The following VSTM2A variants were observed in gnomAD, a reference collection of about 807,000 sequenced individuals.
VSTM2A encodes the protein V-set and transmembrane domain-containing protein 2A.
Under a neutral mutation model 27.3 loss-of-function variants are expected in VSTM2A, and 13 were observed. That is an observed-to-expected ratio of 0.48 (90% CI 0.31 to 0.76). The LOEUF (loss-of-function observed/expected upper bound fraction) is 0.76. Ranked by LOEUF, VSTM2A falls within the 30% of genes least tolerant of loss-of-function variation. The pLI, the probability that VSTM2A is intolerant of heterozygous loss-of-function variation, is 0.05. For missense variants in VSTM2A, 280 were observed against 310.0 expected, an observed-to-expected ratio of 0.90 and a Z score of 0.73; for synonymous variants, 142 against 125.7, an observed-to-expected ratio of 1.13 and a Z score of -0.87.
intron 3 of VSTM2A, among the ~76,000 whole-genome samples, chr7:54,548,228 T>G (rs1291821589): frequency 6.6e-6 from 1 of 152,190 alleles, no homozygotes; most frequent in Admixed American, 6.5e-5. Flanking sequence ...TCCTGACCCC[T>G]GATGCATACA....
At chr7:54,547,138 A>C in intron 3 of VSTM2A, 141 bp downstream of exon 3, 1 of 808,870 alleles carries the variant, frequency 1.2e-6, no homozygotes. Context: ...GATACATACA[A>C]ATGGAAGCAC....
intron 2 of VSTM2A, chr7:54,546,284 G>C (rs1225377278): frequency 6.2e-6 from 1 of 161,804 alleles, no homozygotes; most frequent in Non-Finnish European, 1.4e-5. Context: ...AGGGTGGTGA[G>C]GTGGGGAAGG....
rs2115849681 is a variant in VSTM2A, at chr7:54,554,666, C to A, written c.634+4496C>A. Among the ~76,000 whole-genome samples, 2 of 152,306 alleles carry A rather than the reference C, an allele frequency of 1.3e-5. 1 individual carries two copies. Among genetic ancestry groups the A allele is most frequent in the South Asian group, 4.1e-4 (2 of 4,830 alleles). ...ACAGGGGCTGGCAGCACCTGCTGAG[C>A]CCTCCTGGAAGCCAGCCACTGTGGA... On this transcript the variant is annotated intron_variant, in intron 4 of 4. Coordinates refer to ENST00000402613, the MANE Select transcript of VSTM2A (RefSeq NM_001301009.2).
chr7:54,561,094 G>C lies in VSTM2A; in HGVS notation c.635-8037G>C, dbSNP rs562711826. ...GTTAATTTGAAAAATCCTACATTTAGGGATTAAGCTGTAGAATCACAACCA... is the reference window on the plus strand; with the variant it reads ...GTTAATTTGAAAAATCCTACATTTACGGATTAAGCTGTAGAATCACAACCA... On this transcript the variant is annotated intron_variant, in intron 4 of 4. Coordinates refer to ENST00000402613, the MANE Select transcript of VSTM2A (RefSeq NM_001301009.2). Among the ~76,000 whole-genome samples the C allele has an allele frequency of 7.9e-4, 120 of 152,070 alleles. 4 individuals carry two copies. The South Asian group carries it at 0.024, about 31-fold the overall frequency.
chr7:54,553,984 A>C (rs115886247), intron 4 of VSTM2A: 2 of 1,552,794 alleles, frequency 1.3e-6, no homozygotes, highest in Non-Finnish European at 8.7e-7. Context: ...CCAACGTCAC[A>C]CAGAACTGTG....
Position 54,550,118 on chromosome 7 carries a change from C to A in VSTM2A, c.582C>A (p.Ser194=). The stretch of plus-strand genomic sequence containing the variant: ...GCTCTGCCAACCAACGAACGCACTC[C>A]ACCTCCAGCCCTCAAGTGGTAGCCA... ...IHGSANQRTH[S]TSSPQVVAKI... Residue 194 remains serine, a synonymous_variant, in exon 4 of 5, where the codon TCC becomes TCA. Transcript: ENST00000402613. 1 of 1,607,578 alleles carries A rather than the reference C, an allele frequency of 6.2e-7. No individual in the cohort carries two copies. Among genetic ancestry groups the A allele is most frequent in the Non-Finnish European group, 8.5e-7 (1 of 1,177,042 alleles).
At chr7:54,556,772 C>A (rs562465652) in intron 4 of VSTM2A, among the ~76,000 whole-genome samples, 1 of 152,280 alleles carries the variant, frequency 6.6e-6, no homozygotes, top group South Asian at 2.1e-4. Flanking sequence ...AATTCTCCTG[C>A]AAACCATATT....
rs906982457 is a variant in VSTM2A, at chr7:54,569,326, G to A, written c.*107G>A. On this transcript the variant is annotated 3_prime_UTR_variant, in exon 5 of 5. Coordinates refer to ENST00000402613, the MANE Select transcript of VSTM2A (RefSeq NM_001301009.2). ...AAAACACTGATCTTTTATTTTAAGA[G>A]AATTAACGTGAAGTGATAGAACGTT... The A allele has an allele frequency of 2.0e-5, 30 of 1,500,054 alleles. No homozygotes were observed. The highest frequency in any genetic ancestry group is 2.5e-5 in the Non-Finnish European group (28 of 1,121,790). 92.9% of individuals were successfully genotyped at this position (1,500,054 alleles called of 1,614,324 possible). A position where few individuals can be genotyped will look rare whatever the true frequency, so the allele number is the denominator to read the frequency against.
At chr7:54,556,819 T>A (rs1024296847) in intron 4 of VSTM2A, among the ~76,000 whole-genome samples, 1 of 152,226 alleles carries the variant, frequency 6.6e-6, no homozygotes, top group African/African-American at 2.4e-5. Context: ...TATTTGGGCC[T>A]ATGATATCAA....
At position 54,568,746 on chromosome 7, in the gene VSTM2A, G is replaced by T. The variant is rs575292343; in HGVS notation, c.635-385G>T. 2.5e-4 allele frequency among the ~76,000 whole-genome samples: 38 copies of T among 152,220 alleles called. No individual in the cohort carries two copies. The South Asian group carries it at 7.1e-3, about 28-fold the overall frequency. ...ATGATCCTCAAGGAATTACTTGAGG[G>T]AAAAGTATCTGGATTTGCCCCTCTC... On this transcript the variant is annotated intron_variant, in intron 4 of 4. Transcript: ENST00000402613.
At chr7:54,544,847 G>T in intron 2 of VSTM2A, 59 bp downstream of exon 2, 1 of 1,511,488 alleles carries the variant, frequency 6.6e-7, no homozygotes, top group Non-Finnish European at 8.8e-7. Flanking sequence ...CAGGGTGTCC[G>T]GCCCGGGGCT....
chr7:54,551,850 C>T (rs1216923864), intron 4 of VSTM2A: 1 of 152,114 alleles, frequency 6.6e-6, no homozygotes, highest in African/African-American at 2.4e-5. Flanking sequence ...ATAGACTGTT[C>T]CAAGTTAGAT....
intron 4 of VSTM2A, chr7:54,558,735 C>G (rs896474381): frequency 2.0e-5 from 3 of 151,856 alleles, no homozygotes; most frequent in Non-Finnish European, 4.4e-5. Flanking sequence ...AAAGAAGGAC[C>G]TATTTAATTA....
intron 4 of VSTM2A, among the ~76,000 whole-genome samples, chr7:54,560,569 A>G (rs1459964512): frequency 1.3e-5 from 2 of 152,214 alleles, no homozygotes; most frequent in African/African-American, 2.4e-5. Flanking sequence ...AGGAAGATTT[A>G]TAAATGAGAA....
At chr7:54,544,269 A>T (rs1210069566) in intron 1 of VSTM2A, among the ~76,000 whole-genome samples, 1 of 152,258 alleles carries the variant, frequency 6.6e-6, no homozygotes, top group East Asian at 1.9e-4. Flanking sequence ...TCAACTTGAC[A>T]GATTGCCTAA....
chr7:54,569,281 T>C lies in VSTM2A; in HGVS notation c.*62T>C, dbSNP rs1788820566. ...AATGAAGAGGCTATCACATGCTTTG[T>C]TGATCATATTTTCTTTGGCAAAACA... On this transcript the variant is annotated 3_prime_UTR_variant, in exon 5 of 5. Transcript: ENST00000402613. 1 of 1,540,530 alleles carries C rather than the reference T, an allele frequency of 6.5e-7. No homozygotes were observed. Among genetic ancestry groups the C allele is most frequent in the African/African-American group, 1.4e-5 (1 of 72,678 alleles).
At chr7:54,550,946 G>A (rs980245248) in intron 4 of VSTM2A, 2 of 152,162 alleles carry the variant, frequency 1.3e-5, no homozygotes, top group African/African-American at 2.4e-5. Flanking sequence ...CCTCAAACAC[G>A]TGACATGGGA....
Position 54,570,326 on chromosome 7 carries a change from T to C in VSTM2A, c.*1107T>C, listed in dbSNP as rs1385842332. On this transcript the variant is annotated 3_prime_UTR_variant, in exon 5 of 5. Transcript: ENST00000402613. Reference sequence around the variant, plus strand: ...AGAAAATTTGCCTAGGAGGCGAATGTGGGGAAGGTGAAGCACTCACCATAA... The same window carrying C: ...AGAAAATTTGCCTAGGAGGCGAATGCGGGGAAGGTGAAGCACTCACCATAA... 6.6e-6 allele frequency: 1 copy of C among 152,188 alleles called. No homozygotes were observed. Among genetic ancestry groups the C allele is most frequent in the Non-Finnish European group, 1.5e-5 (1 of 68,024 alleles). The allele number at this position is 152,188 out of a possible 1,614,324, so 9.4% of individuals were successfully genotyped here. A position where few individuals can be genotyped will look rare whatever the true frequency, so the allele number is the denominator to read the frequency against.
At chr7:54,546,815 A>ACGCCCCTGGTCG in intron 2 of VSTM2A, 132 bp from the exon 3 acceptor site, 1 of 1,072,390 alleles carries the variant, frequency 9.3e-7, no homozygotes, top group Non-Finnish European at 1.3e-6. Flanking sequence ...AGGGGTGGCC[A>ACGCCCCTGGTCG]CGCCCCTGGT....
Sources: gnomAD v4.1 joint callset for allele counts (sites outside exome capture counted in the v4.1 genomes callset) on GRCh38, gnomAD v4.1.1 for gene constraint, MANE v1.5 for transcripts, NCBI Gene and HGNC (gene_info 2026-07-23, HGNC 2026-07-21) for gene names.